Variants in SAR1B observed in about 807,000 individuals in gnomAD.
SAR1B encodes secretion associated Ras related GTPase 1B, also known as small COPII coat GTPase SAR1B.
A neutral mutation model predicts 26.8 loss-of-function variants in SAR1B; 23 were observed. The ratio of observed to expected loss-of-function variants is 0.86; its 90% CI spans 0.62 to 1.22. The LOEUF is 1.22. SAR1B is among the 50% of genes most tolerant of loss of function. The pLI is 0.00. For synonymous variants in SAR1B, 65 were observed against 80.8 expected (o/e 0.80, Z 1.05); for missense variants, 196 against 232.8 (o/e 0.84, Z 1.03).
chr5:134,610,566 CAAAAAAAA>C (rs55682339), intron 4 of SAR1B, among the ~76,000 whole-genome samples: 73 of 39,052 alleles, frequency 1.9e-3, no homozygotes, highest in African/African-American at 7.8e-3. Context: ...GACTCCGTCT[CAAAAAAAA>C]AAAAAAAAAA....
chr5:134,603,237 G>A lies in SAR1B; in HGVS notation c.*3713C>T, dbSNP rs953443771. The stretch of plus-strand genomic sequence containing the variant: ...TGGCAATAAATCCTTGCAAACGTCA[G>A]TCATGTAAGTGACTAACAAGACTGA... On this transcript the variant is annotated 3_prime_UTR_variant, in exon 7 of 7. Transcript: ENST00000402673. The A allele has an allele frequency of 1.5e-4, 23 of 152,298 alleles. No individual in the cohort carries two copies. The highest frequency in any genetic ancestry group is 5.5e-4 in the African/African-American group (23 of 41,568). 9.4% of individuals were successfully genotyped at this position (152,298 alleles called of 1,614,324 possible).
chr5:134,627,887 C>T (rs1365346036), intron 1 of SAR1B, among the ~76,000 whole-genome samples: 1 of 151,836 alleles, frequency 6.6e-6, no homozygotes, highest in Non-Finnish European at 1.5e-5. Flanking sequence ...CGCCTGTAAT[C>T]CCAGCACTTT....
chr5:134,627,198 C>A (rs987713412), intron 1 of SAR1B, among the ~76,000 whole-genome samples: 56 of 152,046 alleles, frequency 3.7e-4, no homozygotes, highest in Admixed American at 3.0e-3. Context: ...ACTACAGGAG[C>A]CTGCCACCAC....
At chr5:134,620,845 C>A (rs1765393668) in intron 3 of SAR1B, 88 bp downstream of exon 3, 2 of 1,465,964 alleles carry the variant, frequency 1.4e-6, no homozygotes, top group Admixed American at 1.7e-5. Flanking sequence ...CAGAGAAAGA[C>A]CCTGTCTGAA....
chr5:134,611,213 C>T (rs1020268108), intron 4 of SAR1B, among the ~76,000 whole-genome samples: 9 of 152,262 alleles, frequency 5.9e-5, no homozygotes, highest in African/African-American at 2.2e-4. Flanking sequence ...AGACAAATTC[C>T]ATTAGATTCC....
In SAR1B at chr5:134,604,747, A is replaced by T. The variant is rs1765101333; in HGVS notation, c.*2203T>A. 6.6e-6 allele frequency: 1 copy of T among 152,158 alleles called. No individual in the cohort carries two copies. Among genetic ancestry groups the T allele is most frequent in the Admixed American group, 6.5e-5 (1 of 15,272 alleles). 9.4% of individuals were successfully genotyped at this position (152,158 alleles called of 1,614,324 possible). The stretch of plus-strand genomic sequence containing the variant: ...AGAAAGCATTTTTCCTGGCTAGAGA[A>T]ACCAGTATGTTTTTTTTTCATTTAT... On this transcript the variant is annotated 3_prime_UTR_variant, in exon 7 of 7. Coordinates refer to ENST00000402673, the MANE Select transcript of SAR1B (RefSeq NM_016103.4).
Position 134,612,744 on chromosome 5 carries a change from AGTTCTTCG to A in SAR1B, c.183_190del (p.Glu62AspfsTer11). The A allele has an allele frequency of 6.4e-7, 1 of 1,571,058 alleles. No individual in the cohort carries two copies. The highest frequency in any genetic ancestry group is 8.7e-7 in the Non-Finnish European group (1 of 1,155,932). On this transcript the variant is annotated frameshift_variant, in exon 4 of 7. Transcript: ENST00000402673. LOFTEE classifies it high-confidence loss of function. Reference sequence around the variant, plus strand: ...TGTAAACGTCATGCCAGCAATGGTCAGTTCTTCGGAAGCTAAATAAGATTTTAAAATAT... The same window carrying A: ...TGTAAACGTCATGCCAGCAATGGTCAGAAGCTAAATAAGATTTTAAAATAT...
intron 2 of SAR1B, among the ~76,000 whole-genome samples, chr5:134,623,355 G>A (rs1358011344): frequency 1.3e-5 from 2 of 151,704 alleles, no homozygotes; most frequent in Non-Finnish European, 1.5e-5. Context: ...CAGGAGAATC[G>A]CTTGAACCTG....
intron 3 of SAR1B, among the ~76,000 whole-genome samples, chr5:134,618,988 ACT>A (rs535728578): frequency 9.3e-4 from 138 of 147,666 alleles, no homozygotes; most frequent in African/African-American, 3.4e-3. Context: ...ACAGAGTGAG[ACT>A]CTGTCTCAAA....
intron 2 of SAR1B, among the ~76,000 whole-genome samples, chr5:134,622,307 C>G (rs1255412571): frequency 6.6e-6 from 1 of 151,634 alleles, no homozygotes; most frequent in Non-Finnish European, 1.5e-5. Flanking sequence ...CTATGAGTGT[C>G]ACGAAAAAGT....
chr5:134,631,505 T>C (rs1765605477), intron 1 of SAR1B: 1 of 152,198 alleles, frequency 6.6e-6, no homozygotes, highest in African/African-American at 2.4e-5. Flanking sequence ...CTTTCATTGT[T>C]TCAATGTGAC....
Position 134,602,252 on chromosome 5 carries a change from C to T in SAR1B, c.*4698G>A, listed in dbSNP as rs570719363. 6 of 152,138 alleles carry T rather than the reference C, an allele frequency of 3.9e-5. No homozygotes were observed. Among genetic ancestry groups the T allele is most frequent in the African/African-American group, 4.8e-5 (2 of 41,420 alleles). The allele number at this position is 152,138 out of a possible 1,614,324, so 9.4% of individuals were successfully genotyped here. A position where few individuals can be genotyped will look rare whatever the true frequency, so the allele number is the denominator to read the frequency against. ...TTCTGTTTAAAAGTATGATGAAAGC[C>T]GTGAACAACAATTAGTGCCATTAAA... On this transcript the variant is annotated 3_prime_UTR_variant, in exon 7 of 7. Transcript: ENST00000402673.
chr5:134,623,831 T>C (rs1765452572), intron 2 of SAR1B, 131 bp downstream of exon 2: 2 of 695,710 alleles, frequency 2.9e-6, no homozygotes, highest in Non-Finnish European at 5.2e-6. Context: ...CATCTATGTA[T>C]GATTTCAAAG....
At chr5:134,612,609 C>T (rs1298678001) in intron 4 of SAR1B, 82 bp downstream of exon 4, 2 of 1,280,388 alleles carry the variant, frequency 1.6e-6, no homozygotes, top group Non-Finnish European at 1.0e-6. Context: ...TGCACCACTG[C>T]ACTCCAGCCT....
intron 3 of SAR1B, chr5:134,614,421 G>T (rs1765274117): frequency 6.6e-6 from 1 of 152,184 alleles, no homozygotes; most frequent in South Asian, 2.1e-4. Context: ...TTTTGTTGTA[G>T]TCTTTTGAAG....
rs576984720 is a variant in SAR1B at position 134,618,918 on chromosome 5, A to C, written c.178+2015T>G. 1.7e-4 allele frequency among the ~76,000 whole-genome samples: 26 copies of C among 152,064 alleles called. No homozygotes were observed. The South Asian group carries it at 5.0e-3, about 29-fold the overall frequency. Reference sequence around the variant, plus strand: ...GTGGCTGAGGCAGGAGAATTGCTTGAGCCCAGGAGGCAGAGGTTGCAGGGA... The same window carrying C: ...GTGGCTGAGGCAGGAGAATTGCTTGCGCCCAGGAGGCAGAGGTTGCAGGGA... On this transcript the variant is annotated intron_variant, in intron 3 of 6. Coordinates refer to ENST00000402673, the MANE Select transcript of SAR1B (RefSeq NM_016103.4).
At chr5:134,626,298 CAAAAAAAAAAAAAAA>C (rs35668627) in intron 1 of SAR1B, among the ~76,000 whole-genome samples, 35 of 53,124 alleles carry the variant, frequency 6.6e-4, no homozygotes, top group African/African-American at 1.4e-3. Context: ...GACTCTGCCT[CAAAAAAAAAAAAAAA>C]AAAAAAAAAA....
At chr5:134,607,420 A>G (rs1212775557) in intron 6 of SAR1B, among the ~76,000 whole-genome samples, 1 of 152,210 alleles carries the variant, frequency 6.6e-6, no homozygotes, top group Non-Finnish European at 1.5e-5. Flanking sequence ...AATTAATATC[A>G]AGCTAATTTA....
intron 1 of SAR1B, among the ~76,000 whole-genome samples, chr5:134,628,474 A>G (rs1205152377): frequency 6.6e-6 from 1 of 152,160 alleles, no homozygotes; most frequent in African/African-American, 2.4e-5. Context: ...TTTGGGATGC[A>G]AAGCATGGTA....
Sources: allele counts gnomAD v4.1 joint callset (sites outside exome capture counted in the v4.1 genomes callset), GRCh38; gene constraint gnomAD v4.1.1; transcripts MANE v1.5; gene names NCBI Gene and HGNC (gene_info 2026-07-23, HGNC 2026-07-21).